CNOT6: variants seen among roughly 807,000 people sequenced by gnomAD.
CNOT6 encodes CCR4-NOT transcription complex subunit 6.
CNOT6 carries 12 observed loss-of-function variants against 61.2 expected under a neutral mutation model. The ratio of observed to expected loss-of-function variants is 0.20; its 90% CI spans 0.13 to 0.32. The LOEUF (loss-of-function observed/expected upper bound fraction) is 0.32. Among genes scored for constraint, CNOT6 ranks in the 10% least tolerant of loss-of-function variants. CNOT6 has a pLI of 1.00. For missense variants in CNOT6, 405 were observed against 663.9 expected, an observed-to-expected ratio of 0.61 and a Z score of 4.28; for synonymous variants, 225 against 240.6, an observed-to-expected ratio of 0.94 and a Z score of 0.60.
At chr5:180,553,661 CT>C (rs371550174) in intron 4 of CNOT6, among the ~76,000 whole-genome samples, 190 bp downstream of exon 4, 4,079 of 151,200 alleles carry the variant, frequency 0.027, 62 homozygotes, top group African/African-American at 0.034. Flanking sequence ...TCTTTGTTTT[CT>C]TTTTTTTTGC....
intron 4 of CNOT6, among the ~76,000 whole-genome samples, chr5:180,564,137 C>T (rs1160917704): frequency 6.6e-6 from 1 of 152,158 alleles, no homozygotes; most frequent in African/African-American, 2.4e-5. Flanking sequence ...TTCCTCTGCC[C>T]ACCCACTCTC....
At chr5:180,543,057 T>G (rs1225187849) in intron 2 of CNOT6, among the ~76,000 whole-genome samples, 1 of 152,090 alleles carries the variant, frequency 6.6e-6, no homozygotes, top group Non-Finnish European at 1.5e-5. Context: ...TTAAATTTAT[T>G]TATTTATTTA....
intron 2 of CNOT6, among the ~76,000 whole-genome samples, chr5:180,541,196 T>G (rs1210142792): frequency 6.6e-6 from 1 of 151,880 alleles, no homozygotes; most frequent in Non-Finnish European, 1.5e-5. Flanking sequence ...TGGAGTGCAA[T>G]GGCACAATCT....
chr5:180,544,998 A>T (rs890974242), intron 2 of CNOT6, among the ~76,000 whole-genome samples: 1 of 152,246 alleles, frequency 6.6e-6, no homozygotes, highest in Non-Finnish European at 1.5e-5. Flanking sequence ...TAAATGCCTT[A>T]TTCATATTGA....
chr5:180,531,712 C>G (rs1758391831), intron 2 of CNOT6, among the ~76,000 whole-genome samples: 1 of 152,236 alleles, frequency 6.6e-6, no homozygotes, highest in Non-Finnish European at 1.5e-5. Flanking sequence ...ACTGAGTGAG[C>G]AAAACTCCGT....
At chr5:180,521,377 A>G (rs1004504878) in intron 1 of CNOT6, among the ~76,000 whole-genome samples, 2 of 152,076 alleles carry the variant, frequency 1.3e-5, no homozygotes, top group Non-Finnish European at 2.9e-5. Flanking sequence ...TGTTTAAGTG[A>G]CTCAGGTTTC....
Position 180,574,375 on chromosome 5 carries a change from T to G in CNOT6, c.*175T>G. The G allele has an allele frequency of 1.6e-6, 1 of 620,364 alleles. No individual in the cohort carries two copies. The highest frequency in any genetic ancestry group is 1.9e-5 in the South Asian group (1 of 51,518). 38.4% of individuals were successfully genotyped at this position (620,364 alleles called of 1,614,324 possible). A position where few individuals can be genotyped will look rare whatever the true frequency, so the allele number is the denominator to read the frequency against. ...AGCCAGGTGCTAGCAACAGACAAAT[T>G]CTGAGCCCAATATGCTTTATACTGC... On this transcript the variant is annotated 3_prime_UTR_variant, in exon 12 of 12. Transcript: ENST00000261951.
At chr5:180,520,146 A>G (rs1323202747) in intron 1 of CNOT6, among the ~76,000 whole-genome samples, 1 of 152,156 alleles carries the variant, frequency 6.6e-6, no homozygotes, top group Non-Finnish European at 1.5e-5. Flanking sequence ...TCCATATACT[A>G]TTAATGAACA....
At chr5:180,560,753 G>A (rs1284489652) in intron 4 of CNOT6, among the ~76,000 whole-genome samples, 1 of 151,966 alleles carries the variant, frequency 6.6e-6, no homozygotes, top group Non-Finnish European at 1.5e-5. Flanking sequence ...TGAATCTGTT[G>A]GTTTATATTT....
chr5:180,538,088 G>C (rs1026361251), intron 2 of CNOT6, among the ~76,000 whole-genome samples: 1 of 144,568 alleles, frequency 6.9e-6, no homozygotes, highest in African/African-American at 2.6e-5. Context: ...GCTCAGGCTG[G>C]AGTGCAGTGG....
intron 2 of CNOT6, among the ~76,000 whole-genome samples, chr5:180,540,367 T>A (rs1758971243): frequency 6.6e-6 from 1 of 152,224 alleles, no homozygotes; most frequent in South Asian, 2.1e-4. Flanking sequence ...ATAAGTAATA[T>A]TATACCATTT....
intron 2 of CNOT6, among the ~76,000 whole-genome samples, chr5:180,537,494 T>A (rs1054917641): frequency 6.6e-6 from 1 of 152,204 alleles, no homozygotes; most frequent in Non-Finnish European, 1.5e-5. Flanking sequence ...TGTTCAGTTT[T>A]AAGAGTTTTT....
intron 1 of CNOT6, among the ~76,000 whole-genome samples, chr5:180,498,092 A>G (rs899466533): frequency 6.6e-6 from 1 of 152,072 alleles, no homozygotes; most frequent in Non-Finnish European, 1.5e-5. Context: ...TACTGTATGC[A>G]TAGCTGGGGT....
intron 1 of CNOT6, among the ~76,000 whole-genome samples, chr5:180,517,214 T>C (rs1757677529): frequency 6.6e-6 from 1 of 152,224 alleles, no homozygotes; most frequent in African/African-American, 2.4e-5. Flanking sequence ...CACTGCCCAC[T>C]GTAGCCCCGA....
intron 3 of CNOT6, 43 bp downstream of exon 3, chr5:180,550,160 A>G (rs760457498): frequency 6.6e-7 from 1 of 1,510,654 alleles, no homozygotes; most frequent in African/African-American, 1.4e-5. Context: ...TATGACCCCT[A>G]AAACAAAATA....
At chr5:180,505,451 G>A (rs576202166) in intron 1 of CNOT6, among the ~76,000 whole-genome samples, 45 of 141,718 alleles carry the variant, frequency 3.2e-4, no homozygotes, top group African/African-American at 1.2e-3. Flanking sequence ...TAGAGACGGG[G>A]TTTCACTGTG....
chr5:180,537,309 AT>A (rs977644657), intron 2 of CNOT6, among the ~76,000 whole-genome samples: 4 of 151,814 alleles, frequency 2.6e-5, no homozygotes, highest in Non-Finnish European at 5.9e-5. Context: ...AGTGTTTTGG[AT>A]TTTTTTGCCA....
chr5:180,533,203 G>A (rs557633945), intron 2 of CNOT6, among the ~76,000 whole-genome samples: 2 of 151,946 alleles, frequency 1.3e-5, no homozygotes, highest in African/African-American at 4.8e-5. Context: ...CTTGGGCAGG[G>A]GAAAGGAGGA....
intron 4 of CNOT6, among the ~76,000 whole-genome samples, chr5:180,560,111 C>A (rs1298039004): frequency 2.0e-5 from 3 of 151,944 alleles, no homozygotes; most frequent in Non-Finnish European, 4.4e-5. Flanking sequence ...CCATGCCCGG[C>A]TAATTTTTGA....
Sources: gnomAD v4.1 joint callset for allele counts (sites outside exome capture counted in the v4.1 genomes callset) on GRCh38, gnomAD v4.1.1 for gene constraint, MANE v1.5 for transcripts, NCBI Gene and HGNC (gene_info 2026-07-23, HGNC 2026-07-21) for gene names.